Variants in VTI1A observed in about 807,000 individuals in gnomAD.
The protein encoded by VTI1A is vesicle transport through interaction with t-SNAREs 1A.
VTI1A carries 22 observed loss-of-function variants against 34.9 expected under a neutral mutation model. That is an observed-to-expected ratio of 0.63 (90% CI 0.45 to 0.90). VTI1A has a LOEUF of 0.90. Among genes scored for constraint, VTI1A ranks in the 40% least tolerant of loss-of-function variants. VTI1A has a pLI of 0.00. For missense variants in VTI1A, 268 were observed against 275.6 expected, an observed-to-expected ratio of 0.97 and a Z score of 0.20; for synonymous variants, 87 against 97.3, an observed-to-expected ratio of 0.89 and a Z score of 0.62.
intron 7 of VTI1A, among the ~76,000 whole-genome samples, chr10:112,795,654 C>G (rs1852649116): frequency 6.6e-6 from 1 of 152,008 alleles, no homozygotes; most frequent in South Asian, 2.1e-4. Flanking sequence ...CCAGGCTAGT[C>G]TCTAACTCCT....
intron 3 of VTI1A, 186 bp downstream of exon 3, chr10:112,464,843 T>C (rs1258547524): frequency 1.7e-6 from 1 of 601,532 alleles, no homozygotes; most frequent in Non-Finnish European, 2.9e-6. Context: ...ATTTAAGGTA[T>C]GTTGGATTAA....
chr10:112,669,026 C>G (rs1458249766), intron 7 of VTI1A, 28 bp downstream of exon 7: 1 of 1,608,090 alleles, frequency 6.2e-7, no homozygotes, highest in Admixed American at 1.7e-5. Context: ...ACATATCTTT[C>G]TCTCTGTGTG....
the VTI1A span, among the ~76,000 whole-genome samples, chr10:112,838,424 C>T: frequency 6.6e-6 from 1 of 152,334 alleles, no homozygotes; most frequent in South Asian, 2.1e-4. Flanking sequence ...GTAAAAAGTG[C>T]TTATTGAGCT....
rs187400818 is a variant in VTI1A at position 112,759,042 on chromosome 10, C to T, written c.561-56248C>T. ...AGTGGCCTCAGAGATGAGTCTCCTG[C>T]CCTGTTCCCTCCCAGGCCTCCCCTG... On this transcript the variant is annotated intron_variant, in intron 7 of 7. Transcript: ENST00000393077. 3.0e-4 allele frequency among the ~76,000 whole-genome samples: 45 copies of T among 152,296 alleles called. 1 individual carries two copies. The East Asian group carries it at 8.5e-3, about 29-fold the overall frequency.
intron 5 of VTI1A, among the ~76,000 whole-genome samples, chr10:112,590,643 C>T (rs561562634): frequency 1.3e-4 from 20 of 152,176 alleles, no homozygotes; most frequent in Middle Eastern, 3.4e-3. Flanking sequence ...GGTCACGCCA[C>T]TGCACTCCAG....
chr10:112,693,654 G>A (rs531628096), intron 7 of VTI1A, among the ~76,000 whole-genome samples: 11 of 152,292 alleles, frequency 7.2e-5, no homozygotes, highest in African/African-American at 1.9e-4. Context: ...TCTAACTTCC[G>A]AGTTGAAAAT....
At chr10:112,462,896 T>TTTATTTA (rs1554882331) in intron 2 of VTI1A, among the ~76,000 whole-genome samples, 24 of 144,836 alleles carry the variant, frequency 1.7e-4, no homozygotes, top group South Asian at 6.6e-4. Context: ...TGTTACTGGT[T>TTTATTTA]TTTATTTATT....
intron 5 of VTI1A, among the ~76,000 whole-genome samples, chr10:112,610,015 G>T (rs1222368047): frequency 6.8e-6 from 1 of 147,860 alleles, no homozygotes; most frequent in Non-Finnish European, 1.5e-5. Context: ...AATATTTGCA[G>T]AAAAAAAAAT....
At chr10:112,630,048 G>C (rs1053614317) in intron 5 of VTI1A, among the ~76,000 whole-genome samples, 6 of 152,152 alleles carry the variant, frequency 3.9e-5, no homozygotes, top group African/African-American at 1.4e-4. Context: ...GTGCCTAAAG[G>C]TGTTTGTTTT....
At chr10:112,491,579 T>C (rs970485095) in intron 3 of VTI1A, among the ~76,000 whole-genome samples, 1 of 152,196 alleles carries the variant, frequency 6.6e-6, no homozygotes, top group Non-Finnish European at 1.5e-5. Context: ...GAGGCGAAAT[T>C]GATTTTAGTA....
intron 3 of VTI1A, among the ~76,000 whole-genome samples, chr10:112,500,440 A>G (rs553460164): frequency 1.6e-4 from 25 of 152,062 alleles, no homozygotes; most frequent in Non-Finnish European, 2.4e-4. Context: ...TCAAAAAAAG[A>G]AAAAAAAGAA....
chr10:112,595,909 A>C (rs1844617204), intron 5 of VTI1A, among the ~76,000 whole-genome samples: 1 of 152,180 alleles, frequency 6.6e-6, no homozygotes, highest in Non-Finnish European at 1.5e-5. Context: ...CTTGGAACCA[A>C]CCCAAATGTC....
intron 3 of VTI1A, among the ~76,000 whole-genome samples, chr10:112,485,678 T>A (rs1848601689): frequency 6.6e-6 from 1 of 152,270 alleles, no homozygotes; most frequent in Non-Finnish European, 1.5e-5. Context: ...GTACACATGC[T>A]GATAGAAAGC....
At chr10:112,790,977 A>T (rs192332575) in intron 7 of VTI1A, among the ~76,000 whole-genome samples, 59 of 152,158 alleles carry the variant, frequency 3.9e-4, no homozygotes, top group Admixed American at 1.3e-3. Context: ...CCCTCCTCAA[A>T]GGGCATTTGG....
chr10:112,785,620 G>C (rs1488108260), intron 7 of VTI1A, among the ~76,000 whole-genome samples: 2 of 152,120 alleles, frequency 1.3e-5, no homozygotes, highest in Non-Finnish European at 2.9e-5. Context: ...TTTTCTTCTA[G>C]AAGTTTTATA....
At chr10:112,751,475 TAAAAAAAA>T (rs11411829) in intron 7 of VTI1A, among the ~76,000 whole-genome samples, 2 of 100,994 alleles carry the variant, frequency 2.0e-5, no homozygotes, top group African/African-American at 7.6e-5. Flanking sequence ...ATTAACTGTT[TAAAAAAAA>T]AAAAAAAAAA....
chr10:112,731,126 A>G (rs1850242012), intron 7 of VTI1A, among the ~76,000 whole-genome samples: 1 of 152,100 alleles, frequency 6.6e-6, no homozygotes, highest in African/African-American at 2.4e-5. Flanking sequence ...AACTGAAGGG[A>G]GCAAAAGTTG....
intron 7 of VTI1A, chr10:112,737,227 C>A (rs546490560): frequency 6.1e-5 from 46 of 749,926 alleles, no homozygotes; most frequent in Non-Finnish European, 7.6e-5. Flanking sequence ...CACACCACCA[C>A]GCCCAGCTAA....
chr10:112,776,313 C>T (rs1379294938), intron 7 of VTI1A, among the ~76,000 whole-genome samples: 1 of 152,158 alleles, frequency 6.6e-6, no homozygotes, highest in Non-Finnish European at 1.5e-5. Context: ...ATTATGAACC[C>T]TGTGAACTCC....
Sources: gnomAD v4.1 joint callset for allele counts (sites outside exome capture counted in the v4.1 genomes callset) on GRCh38, gnomAD v4.1.1 for gene constraint, MANE v1.5 for transcripts, NCBI Gene and HGNC (gene_info 2026-07-23, HGNC 2026-07-21) for gene names.